Variants in LMBR1 observed in about 807,000 individuals in gnomAD.
The protein encoded by LMBR1 is limb region 1 protein homolog.
Under a neutral mutation model 73.9 loss-of-function variants are expected in LMBR1, and 52 were observed. That is an observed-to-expected ratio of 0.70 (90% CI 0.56 to 0.89). The LOEUF (loss-of-function observed/expected upper bound fraction) is 0.89, where lower values mean the gene tolerates loss of function less well. Ranked by LOEUF, LMBR1 falls within the 40% of genes least tolerant of loss-of-function variation. The probability of loss-of-function intolerance (pLI) is 0.00; values close to 1 mark genes in which losing one functional copy is unlikely to be tolerated. For synonymous variants in LMBR1, 215 were observed against 209.4 expected (o/e 1.03, Z -0.23); for missense variants, 539 against 579.8 (o/e 0.93, Z 0.72).
intron 3 of LMBR1, among the ~76,000 whole-genome samples, chr7:156,832,914 T>G (rs752224062): frequency 1.3e-5 from 2 of 152,180 alleles, no homozygotes; most frequent in Non-Finnish European, 1.5e-5. Flanking sequence ...AATGTGTGAT[T>G]CTGAACTGGA....
intron 1 of LMBR1, among the ~76,000 whole-genome samples, chr7:156,863,872 A>G (rs953338282): frequency 2.0e-5 from 3 of 152,200 alleles, no homozygotes; most frequent in African/African-American, 7.2e-5. Context: ...AGAGAAGACC[A>G]GGCGTGGTAG....
At chr7:156,824,019 G>C (rs1257501218) in intron 4 of LMBR1, 1 of 152,222 alleles carries the variant, frequency 6.6e-6, no homozygotes, top group East Asian at 1.9e-4. Context: ...GAACCTGGGA[G>C]GCGGAGCTTG....
At chr7:156,853,876 G>A (rs113245680) in intron 1 of LMBR1, among the ~76,000 whole-genome samples, 4,226 of 150,490 alleles carry the variant, frequency 0.028, 205 homozygotes, top group African/African-American at 0.098. Flanking sequence ...GGCTGGTCCC[G>A]AACTCCTACC....
intron 6 of LMBR1, 98 bp downstream of exon 6, chr7:156,763,571 C>A (rs929641485): frequency 9.9e-7 from 1 of 1,006,114 alleles, no homozygotes; most frequent in Admixed American, 3.0e-5. Context: ...TCTTTGTTAA[C>A]TACACAAAGA....
At chr7:156,744,816 C>T (rs1819557443) in intron 9 of LMBR1, among the ~76,000 whole-genome samples, 1 of 152,154 alleles carries the variant, frequency 6.6e-6, no homozygotes, top group Non-Finnish European at 1.5e-5. Context: ...GTTAGCAGGA[C>T]TATAATCCTT....
intron 1 of LMBR1, among the ~76,000 whole-genome samples, chr7:156,890,117 T>C (rs1021840577): frequency 2.3e-4 from 35 of 152,154 alleles, no homozygotes; most frequent in Non-Finnish European, 4.6e-4. Flanking sequence ...TCCTAAATAG[T>C]GCTGAAGCAA....
At chr7:156,839,110 C>T (rs111415962) in intron 1 of LMBR1, among the ~76,000 whole-genome samples, 9,815 of 136,724 alleles carry the variant, frequency 0.072, 425 homozygotes, top group African/African-American at 0.12. Flanking sequence ...AGTGCAATGG[C>T]GCGATCTTGG....
At chr7:156,785,216 A>G (rs2133237629) in intron 5 of LMBR1, among the ~76,000 whole-genome samples, 1 of 152,162 alleles carries the variant, frequency 6.6e-6, no homozygotes, top group South Asian at 2.1e-4. Context: ...GGCAGAGGCT[A>G]CAGTGAGCCA....
intron 4 of LMBR1, among the ~76,000 whole-genome samples, chr7:156,817,232 C>A (rs1056780394): frequency 2.0e-5 from 3 of 152,032 alleles, no homozygotes; most frequent in African/African-American, 7.2e-5. Flanking sequence ...TATCATTTTT[C>A]CTCACATAGA....
chr7:156,706,435 G>A (rs530245669), intron 15 of LMBR1, among the ~76,000 whole-genome samples: 1 of 152,230 alleles, frequency 6.6e-6, no homozygotes, highest in African/African-American at 2.4e-5. Flanking sequence ...CTGCTCAACT[G>A]CAGAATTTAT....
chr7:156,689,576 G>A (rs950762703), intron 15 of LMBR1, among the ~76,000 whole-genome samples: 1 of 152,174 alleles, frequency 6.6e-6, no homozygotes, highest in African/African-American at 2.4e-5. Flanking sequence ...GATCTCAAAA[G>A]TAGCTCTTCT....
chr7:156,814,167 T>C (rs973452807), intron 4 of LMBR1, among the ~76,000 whole-genome samples: 2 of 152,176 alleles, frequency 1.3e-5, no homozygotes, highest in African/African-American at 4.8e-5. Context: ...AACTTACAAA[T>C]GGTAGCCCTG....
At chr7:156,719,251 G>A (rs1402001316) in intron 15 of LMBR1, among the ~76,000 whole-genome samples, 10 of 150,640 alleles carry the variant, frequency 6.6e-5, no homozygotes, top group Admixed American at 4.7e-4. Context: ...TTGTCCCTGC[G>A]ATAGTTTACT....
intron 4 of LMBR1, among the ~76,000 whole-genome samples, chr7:156,820,193 A>G (rs982475351): frequency 9.2e-5 from 14 of 152,120 alleles, no homozygotes; most frequent in African/African-American, 3.1e-4. Context: ...ATGTGGCTTC[A>G]TTGCCTGAAC....
chr7:156,697,842 G>A (rs866765366), intron 15 of LMBR1, among the ~76,000 whole-genome samples: 6 of 152,142 alleles, frequency 3.9e-5, no homozygotes, highest in Admixed American at 6.6e-5. Flanking sequence ...GACATACATC[G>A]TCTGCTTATG....
chr7:156,829,279 C>A (rs1030783371), intron 3 of LMBR1, among the ~76,000 whole-genome samples: 5 of 152,214 alleles, frequency 3.3e-5, no homozygotes, highest in Admixed American at 1.3e-4. Flanking sequence ...TTATTCCTAA[C>A]AGTGATATGG....
intron 5 of LMBR1, among the ~76,000 whole-genome samples, chr7:156,765,419 T>C (rs1823906699): frequency 1.3e-5 from 2 of 152,182 alleles, no homozygotes; most frequent in African/African-American, 2.4e-5. Flanking sequence ...TCTGCCATGA[T>C]TGTAAGTTTC....
At chr7:156,822,750 A>G (rs902293217) in intron 4 of LMBR1, 1 of 152,196 alleles carries the variant, frequency 6.6e-6, no homozygotes, top group African/African-American at 2.4e-5. Context: ...TGTTCAAACA[A>G]AGAGATCATA....
intron 15 of LMBR1, among the ~76,000 whole-genome samples, chr7:156,712,245 A>G (rs1812221219): frequency 6.6e-6 from 1 of 152,226 alleles, no homozygotes; most frequent in African/African-American, 2.4e-5. Flanking sequence ...CAAATGGCCA[A>G]CTAGCATATG....
Sources: gnomAD v4.1 joint callset for allele counts (sites outside exome capture counted in the v4.1 genomes callset) on GRCh38, gnomAD v4.1.1 for gene constraint, MANE v1.5 for transcripts, NCBI Gene and HGNC (gene_info 2026-07-23, HGNC 2026-07-21) for gene names.